SLC20A1: variants seen among roughly 807,000 people sequenced by gnomAD.
The protein encoded by SLC20A1 is solute carrier family 20 member 1, also known as sodium-dependent phosphate transporter 1.
In SLC20A1, 28 loss-of-function variants were observed where a neutral mutation model predicts 62.7. The observed-to-expected ratio is 0.45, with a 90% CI of 0.33 to 0.61. The LOEUF (loss-of-function observed/expected upper bound fraction) is 0.61. Among genes scored for constraint, SLC20A1 ranks in the 20% least tolerant of loss-of-function variants. The pLI is 0.02. For synonymous variants in SLC20A1, 305 were observed against 302.9 expected (o/e 1.01, Z -0.07); for missense variants, 673 against 838.6 (o/e 0.80, Z 2.44).
intron 4 of SLC20A1, 41 bp downstream of exon 4, chr2:112,647,779 A>G (rs772660499): frequency 6.7e-7 from 1 of 1,488,296 alleles, no homozygotes; most frequent in Non-Finnish European, 9.4e-7. Flanking sequence ...CATGGAGCAC[A>G]CCCAATCGAT....
At chr2:112,658,704 A>T in intron 6 of SLC20A1, 121 bp from the exon 7 acceptor site, 3 of 1,083,808 alleles carry the variant, frequency 2.8e-6, no homozygotes, top group Non-Finnish European at 4.0e-6. Flanking sequence ...CCTGAATGTT[A>T]ATTGAAGTTC....
In SLC20A1 at chr2:112,659,193, A is replaced by G; in HGVS notation, c.1049-11A>G. 1.2e-6 allele frequency: 2 copies of G among 1,607,814 alleles called. No individual in the cohort carries two copies. Among genetic ancestry groups the G allele is most frequent in the East Asian group, 2.2e-5 (1 of 44,712 alleles). On this transcript the variant is annotated splice_polypyrimidine_tract_variant and intron_variant, in intron 7 of 10. Coordinates refer to ENST00000272542, the MANE Select transcript of SLC20A1 (RefSeq NM_005415.5). ...TTTTGTATTGAATGTCACCTTGGTG[A>G]TCTTGACTAGGTGCAGTGCAGTTGC...
At position 112,663,372 on chromosome 2, in the gene SLC20A1, T is replaced by A. The variant is rs1003466542; in HGVS notation, c.*347T>A. 8 of 357,418 alleles carry A rather than the reference T, an allele frequency of 2.2e-5. No homozygotes were observed. The highest frequency in any genetic ancestry group is 4.3e-5 in the Admixed American group (1 of 23,242). The allele number at this position is 357,418 out of a possible 1,614,324, so 22.1% of individuals were successfully genotyped here. The stretch of plus-strand genomic sequence containing the variant: ...ACTTGTGATTTTTTTTTCTTTTTTT[T>A]AAACCATGAAGAGCCGTTTGACAGA... On this transcript the variant is annotated 3_prime_UTR_variant, in exon 11 of 11. Transcript: ENST00000272542.
rs746581127 is a variant in SLC20A1, at chr2:112,646,863, C to A, written c.35C>A (p.Thr12Asn). 1 of 1,613,326 alleles carries A rather than the reference C, an allele frequency of 6.2e-7. No homozygotes were observed. Among genetic ancestry groups the A allele is most frequent in the South Asian group, 1.1e-5 (1 of 91,046 alleles). Reference sequence around the variant, plus strand: ...CTGATTACCAGTACTACAGCTGCTACCGCCGCTTCTGGTCCTTTGGTGGAC... The same window carrying A: ...CTGATTACCAGTACTACAGCTGCTAACGCCGCTTCTGGTCCTTTGGTGGAC... ...ATLITSTTAA[T>N]AASGPLVDYL... Residue 12 changes from threonine (T) to asparagine (N), a missense_variant, in exon 2 of 11, where the codon ACC (threonine) becomes AAC (asparagine). Physicochemically the swap from Thr to Asn is moderately conservative, Grantham distance 65 (BLOSUM62 0). Coordinates refer to ENST00000272542, the MANE Select transcript of SLC20A1 (RefSeq NM_005415.5).
At position 112,647,140 on chromosome 2, in the gene SLC20A1, C is replaced by G. The variant is rs758961672; in HGVS notation, c.312C>G (p.Ala104=). 4 of 1,613,586 alleles carry G rather than the reference C, an allele frequency of 2.5e-6. No individual in the cohort carries two copies. The East Asian group carries it at 6.7e-5, about 27-fold the overall frequency. ...MYNSTQGLLM[A]GSVSAMFGSA... ...ACTCGACTCAAGGGCTGCTGATGGC[C>G]GGCTCAGTCAGTGCTATGTTTGGTA... Residue 104 remains alanine, a synonymous_variant, in exon 2 of 11, where the codon GCC becomes GCG. Transcript: ENST00000272542.
At position 112,647,636 on chromosome 2, in the gene SLC20A1, A is replaced by G; in HGVS notation, c.476-17A>G. ...TTTTCATTATTTGATATTTTTTCTT[A>G]ATGTGTTCTATTCCAGTGATGTCTT... On this transcript the variant is annotated splice_polypyrimidine_tract_variant and intron_variant, in intron 3 of 10. Coordinates refer to ENST00000272542, the MANE Select transcript of SLC20A1 (RefSeq NM_005415.5). The G allele has an allele frequency of 1.2e-6, 2 of 1,602,862 alleles. No individual in the cohort carries two copies. The highest frequency in any genetic ancestry group is 1.7e-6 in the Non-Finnish European group (2 of 1,171,010).
chr2:112,646,756 T>TA lies in SLC20A1; in HGVS notation c.-72dup. Reference sequence around the variant, plus strand: ...ATATTATTTATTATAGCATTTTTGATACCTCATATTCTGTTTACACATCTT... The same window carrying TA: ...ATATTATTTATTATAGCATTTTTGATAACCTCATATTCTGTTTACACATCTT... On this transcript the variant is annotated 5_prime_UTR_variant, in exon 2 of 11. Transcript: ENST00000272542. 3 of 836,306 alleles carry TA rather than the reference T, an allele frequency of 3.6e-6. No homozygotes were observed. The highest frequency in any genetic ancestry group is 5.6e-6 in the Non-Finnish European group (3 of 536,676). The allele number at this position is 836,306 out of a possible 1,614,324, so 51.8% of individuals were successfully genotyped here.
chr2:112,648,462 C>T (rs535548297), intron 4 of SLC20A1, among the ~76,000 whole-genome samples: 4 of 152,292 alleles, frequency 2.6e-5, no homozygotes, highest in Admixed American at 2.0e-4. Context: ...CAAAGTTGTC[C>T]TTTTTCTAAG....
At chr2:112,662,793 C>A in intron 10 of SLC20A1, 71 bp from the exon 11 acceptor site, 1 of 1,519,506 alleles carries the variant, frequency 6.6e-7, no homozygotes, top group African/African-American at 1.4e-5. Flanking sequence ...TCCAAACAGT[C>A]TCAGGTGTCT....
chr2:112,646,867 C>T lies in SLC20A1; in HGVS notation c.39C>T (p.Ala13=), dbSNP rs776102368. The change falls in exon 2 of 11, where the codon GCC becomes GCT. Residue 13 remains alanine (A), a synonymous_variant. Coordinates refer to ENST00000272542, the MANE Select transcript of SLC20A1 (RefSeq NM_005415.5). Reference sequence around the variant, plus strand: ...TTACCAGTACTACAGCTGCTACCGCCGCTTCTGGTCCTTTGGTGGACTACC... The same window carrying T: ...TTACCAGTACTACAGCTGCTACCGCTGCTTCTGGTCCTTTGGTGGACTACC... The part of the protein sequence containing the change: ...TLITSTTAAT[A]ASGPLVDYLW... 7 of 1,613,378 alleles carry T rather than the reference C, an allele frequency of 4.3e-6. No homozygotes were observed. In the South Asian group the frequency reaches 7.7e-5, roughly 18 times the overall value.
chr2:112,658,715 A>G (rs1160522527), intron 6 of SLC20A1, 110 bp from the exon 7 acceptor site: 3 of 1,179,882 alleles, frequency 2.5e-6, no homozygotes, highest in Non-Finnish European at 3.6e-6. Context: ...ATTGAAGTTC[A>G]CATACATTCT....
rs1038303944 is a variant in SLC20A1 at position 112,650,512 on chromosome 2, G to A, written c.562-2190G>A. Among the ~76,000 whole-genome samples the A allele has an allele frequency of 6.6e-5, 10 of 151,470 alleles. No homozygotes were observed. The South Asian group carries it at 8.4e-4, about 13-fold the overall frequency. Reference sequence around the variant, plus strand: ...CCCGGCTAGTATTTTTGTATTTTTGGTAGAGACGGGGTTTCACCACGTTGG... The same window carrying A: ...CCCGGCTAGTATTTTTGTATTTTTGATAGAGACGGGGTTTCACCACGTTGG... On this transcript the variant is annotated intron_variant, in intron 4 of 10. Coordinates refer to ENST00000272542, the MANE Select transcript of SLC20A1 (RefSeq NM_005415.5).
Position 112,657,207 on chromosome 2 carries a change from C to T in SLC20A1, c.744C>T (p.Phe248=). 2.5e-6 allele frequency: 4 copies of T among 1,613,798 alleles called. No individual in the cohort carries two copies. The highest frequency in any genetic ancestry group is 3.4e-6 in the Non-Finnish European group (4 of 1,179,926). ...TTTTCTGTGCCCTTATCGTCTGGTTCTTTGTATGTCCCAGGATGAAGAGAA... is the reference window on the plus strand; with the variant it reads ...TTTTCTGTGCCCTTATCGTCTGGTTTTTTGTATGTCCCAGGATGAAGAGAA... ...CAVFCALIVW[F]FVCPRMKRKI... Residue 248 remains phenylalanine, a synonymous_variant, in exon 6 of 11, where the codon TTC becomes TTT. Coordinates refer to ENST00000272542, the MANE Select transcript of SLC20A1 (RefSeq NM_005415.5).
Position 112,661,144 on chromosome 2 carries a change from G to A in SLC20A1, c.1796G>A (p.Gly599Asp), listed in dbSNP as rs1230271139. ...KDLTPITPSS[G>D]FSIELASALT... is the part of the protein sequence containing the mutation. ...CAAGAATCCTTTTGTGTCTGTAGTGGCTTCAGTATTGAACTGGCATCTGCC... is the reference window on the plus strand; with the variant it reads ...CAAGAATCCTTTTGTGTCTGTAGTGACTTCAGTATTGAACTGGCATCTGCC... The change falls in exon 10 of 11, where the codon GGC becomes GAC. Residue 599 changes from glycine to aspartate, a missense_variant and splice_region_variant. Transcript: ENST00000272542. 1.2e-6 allele frequency: 2 copies of A among 1,613,446 alleles called. No individual in the cohort carries two copies. The highest frequency in any genetic ancestry group is 8.5e-7 in the Non-Finnish European group (1 of 1,179,514).
rs896228242 is a variant in SLC20A1, at chr2:112,653,634, T to G, written c.658+836T>G. 2.0e-5 allele frequency among the ~76,000 whole-genome samples: 3 copies of G among 151,110 alleles called. No homozygotes were observed. The East Asian group carries it at 5.8e-4, about 29-fold the overall frequency. On this transcript the variant is annotated intron_variant, in intron 5 of 10. Transcript: ENST00000272542. ...AAGCCACTTAATGCTTACTATGTGC[T>G]ATGCACCCATATTTTCAAATTCTCT...
Position 112,663,423 on chromosome 2 carries a change from C to T in SLC20A1, c.*398C>T. The T allele has an allele frequency of 3.0e-6, 1 of 336,532 alleles. No individual in the cohort carries two copies. Among genetic ancestry groups the T allele is most frequent in the Non-Finnish European group, 5.7e-6 (1 of 175,788 alleles). 20.8% of individuals were successfully genotyped at this position (336,532 alleles called of 1,614,324 possible). On this transcript the variant is annotated 3_prime_UTR_variant, in exon 11 of 11. Transcript: ENST00000272542. ...GCATGCTCTGCGTTGTTGGTTTCAC[C>T]AGCTTCTGCCCTCACATGCACAGGG... is the stretch of plus-strand genomic sequence containing the variant.
chr2:112,655,836 A>T (rs1314687062), intron 5 of SLC20A1, among the ~76,000 whole-genome samples: 1 of 152,092 alleles, frequency 6.6e-6, no homozygotes, highest in Non-Finnish European at 1.5e-5. Context: ...AGTAGCTGGG[A>T]TTATAGAAGC....
chr2:112,662,775 G>A, intron 10 of SLC20A1, 89 bp from the exon 11 acceptor site: 1 of 1,353,618 alleles, frequency 7.4e-7, no homozygotes, highest in Non-Finnish European at 1.0e-6. Flanking sequence ...GGGGTCTGGG[G>A]CTCCTTGTCC....
At position 112,663,323 on chromosome 2, in the gene SLC20A1, GT is replaced by G; in HGVS notation, c.*302del. On this transcript the variant is annotated 3_prime_UTR_variant, in exon 11 of 11. Transcript: ENST00000272542. ...TTGTATCAGGCTTCAATTCCATTAT[GT>G]TTTAATGTTGTCTCTGAAGATGACT... 2.5e-6 allele frequency: 1 copy of G among 404,224 alleles called. No individual in the cohort carries two copies. The allele number at this position is 404,224 out of a possible 1,614,324, so 25.0% of individuals were successfully genotyped here.
Sources: allele counts gnomAD v4.1 joint callset (sites outside exome capture counted in the v4.1 genomes callset), GRCh38; gene constraint gnomAD v4.1.1; transcripts MANE v1.5; gene names NCBI Gene and HGNC (gene_info 2026-07-23, HGNC 2026-07-21).